The following INSM1 variants were observed in gnomAD, a reference collection of about 807,000 sequenced individuals.
INSM1 encodes INSM transcriptional repressor 1.
A neutral mutation model predicts 21.1 loss-of-function variants in INSM1; 11 were observed. That is an observed-to-expected ratio of 0.52 (90% CI 0.33 to 0.86). INSM1 has a LOEUF of 0.86. Among genes scored for constraint, INSM1 ranks in the 40% least tolerant of loss-of-function variants. INSM1 has a pLI of 0.03. For missense variants in INSM1, 843 were observed against 760.1 expected (o/e 1.11, Z -1.28); for synonymous variants, 473 against 386.1 (o/e 1.23, Z -2.64).
In INSM1 at chr20:20,369,872, T is replaced by G. The variant is rs6137007; in HGVS notation, c.*72T>G. The stretch of plus-strand genomic sequence containing the variant: ...CCCACAAAGAGAGTGCGCCCTGCAC[T>G]CCCCGAACCCGAGTCCGCGCTGGGG... On this transcript the variant is annotated 3_prime_UTR_variant, in exon 1 of 1. Coordinates refer to ENST00000310227, the MANE Select transcript of INSM1 (RefSeq NM_002196.3). This position sits in a 1 kb window ranked among gnomAD's most constrained non-coding sequence, Gnocchi z 5.6. The G allele has an allele frequency of 1, 1,355,432 of 1,359,850 alleles. 675,574 individuals carry two copies. Among genetic ancestry groups the G allele is most frequent in the East Asian group, 1 (39,055 of 39,056 alleles). 84.2% of individuals were successfully genotyped at this position (1,359,850 alleles called of 1,614,324 possible).
At position 20,369,889 on chromosome 20, in the gene INSM1, G is replaced by A; in HGVS notation, c.*89G>A. The stretch of plus-strand genomic sequence containing the variant: ...CCCTGCACTCCCCGAACCCGAGTCC[G>A]CGCTGGGGGAGCCTCGCCCCCGCCC... On this transcript the variant is annotated 3_prime_UTR_variant, in exon 1 of 1. Coordinates refer to ENST00000310227, the MANE Select transcript of INSM1 (RefSeq NM_002196.3). The surrounding 1 kb of genome is among the most constrained non-coding windows in gnomAD (Gnocchi z 5.6). 1.7e-6 allele frequency: 2 copies of A among 1,176,816 alleles called. No homozygotes were observed. The highest frequency in any genetic ancestry group is 2.3e-6 in the Non-Finnish European group (2 of 855,014). 72.9% of individuals were successfully genotyped at this position (1,176,816 alleles called of 1,614,324 possible).
chr20:20,368,242 G>C lies in INSM1; in HGVS notation c.-26G>C. ...CGAGCGCGGAGGGGGGACCGAGCCA[G>C]TGCCGTGCCCTCGGGCCGCGCCAAC... On this transcript the variant is annotated 5_prime_UTR_variant, in exon 1 of 1. Transcript: ENST00000310227. The surrounding 1 kb of genome is among the most constrained non-coding windows in gnomAD (Gnocchi z 4.3). The C allele has an allele frequency of 1.7e-6, 2 of 1,183,970 alleles. No individual in the cohort carries two copies. The highest frequency in any genetic ancestry group is 2.5e-4 in the Middle Eastern group (1 of 4,080). The allele number at this position is 1,183,970 out of a possible 1,614,324, so 73.3% of individuals were successfully genotyped here. A position where few individuals can be genotyped will look rare whatever the true frequency, so the allele number is the denominator to read the frequency against.
Position 20,368,126 on chromosome 20 carries a change from C to G in INSM1, c.-142C>G, listed in dbSNP as rs919420916. On this transcript the variant is annotated 5_prime_UTR_variant, in exon 1 of 1. Transcript: ENST00000310227. This position sits in a 1 kb window ranked among gnomAD's most constrained non-coding sequence, Gnocchi z 4.3. The stretch of plus-strand genomic sequence containing the variant: ...GGGACAGGGACGCGCGTGCAGGGCG[C>G]AGAGCTGGGCCGAGCCGTCGCCGGC... The G allele has an allele frequency of 2.3e-4, 118 of 512,528 alleles. No individual in the cohort carries two copies. The highest frequency in any genetic ancestry group is 2.8e-4 in the Non-Finnish European group (107 of 388,596). The allele number at this position is 512,528 out of a possible 1,614,324, so 31.7% of individuals were successfully genotyped here.
At position 20,368,780 on chromosome 20, in the gene INSM1, G is replaced by A. The variant is rs2087679347; in HGVS notation, c.513G>A (p.Thr171=). ...CGCCCGCCGAGCTCAAGATGGGCAC[G>A]GCGTTCTCGGCTGGCGCCGAGGCGG... is the stretch of plus-strand genomic sequence containing the variant. The part of the protein sequence containing the change: ...LFAPAELKMG[T]AFSAGAEAAR... Residue 171 remains threonine, a synonymous_variant, in exon 1 of 1, where the codon ACG becomes ACA. Coordinates refer to ENST00000310227, the MANE Select transcript of INSM1 (RefSeq NM_002196.3). The surrounding 1 kb of genome is among the most constrained non-coding windows in gnomAD (Gnocchi z 4.3). 8.9e-7 allele frequency: 1 copy of A among 1,117,450 alleles called. No individual in the cohort carries two copies. The allele number at this position is 1,117,450 out of a possible 1,614,324, so 69.2% of individuals were successfully genotyped here.
At position 20,368,169 on chromosome 20, in the gene INSM1, G is replaced by C. The variant is rs2122524847; in HGVS notation, c.-99G>C. Reference sequence around the variant, plus strand: ...TCGCCGGCGCCACGCGAGTCCCGCAGCCGCCGCGCCCGGGCAATGGGCCGG... The same window carrying C: ...TCGCCGGCGCCACGCGAGTCCCGCACCCGCCGCGCCCGGGCAATGGGCCGG... On this transcript the variant is annotated 5_prime_UTR_variant, in exon 1 of 1. Transcript: ENST00000310227. The surrounding 1 kb of genome is among the most constrained non-coding windows in gnomAD (Gnocchi z 4.3). 1.1e-6 allele frequency: 1 copy of C among 921,940 alleles called. No homozygotes were observed. Among genetic ancestry groups the C allele is most frequent in the Non-Finnish European group, 1.3e-6 (1 of 761,316 alleles). 57.1% of individuals were successfully genotyped at this position (921,940 alleles called of 1,614,324 possible).
At position 20,369,960 on chromosome 20, in the gene INSM1, C is replaced by A; in HGVS notation, c.*160C>A. 1.5e-6 allele frequency: 1 copy of A among 657,734 alleles called. No individual in the cohort carries two copies. The highest frequency in any genetic ancestry group is 2.6e-6 in the Non-Finnish European group (1 of 382,320). The allele number at this position is 657,734 out of a possible 1,614,324, so 40.7% of individuals were successfully genotyped here. A position where few individuals can be genotyped will look rare whatever the true frequency, so the allele number is the denominator to read the frequency against. On this transcript the variant is annotated 3_prime_UTR_variant, in exon 1 of 1. Transcript: ENST00000310227. The surrounding 1 kb of genome is among the most constrained non-coding windows in gnomAD (Gnocchi z 5.6). ...CTCCGCTTCTCTCGGTGTGGCGTGA[C>A]GGTAACCCCATACTCTCCTTTTGAC...
chr20:20,368,358 C>A lies in INSM1; in HGVS notation c.91C>A (p.Leu31Met). 2 of 1,185,422 alleles carry A rather than the reference C, an allele frequency of 1.7e-6. No homozygotes were observed. Among genetic ancestry groups the A allele is most frequent in the East Asian group, 6.0e-5 (1 of 16,778 alleles). 73.4% of individuals were successfully genotyped at this position (1,185,422 alleles called of 1,614,324 possible). A position where few individuals can be genotyped will look rare whatever the true frequency, so the allele number is the denominator to read the frequency against. The change falls in exon 1 of 1, where the codon CTG becomes ATG. Residue 31 changes from leucine to methionine, a missense_variant. Leu to Met is a conservative substitution (Grantham distance 15, BLOSUM62 2). Transcript: ENST00000310227. The surrounding 1 kb of genome is among the most constrained non-coding windows in gnomAD (Gnocchi z 4.3). ...RGGEDGDRAL[L>M]LSPSCGGARA... is the part of the protein sequence containing the mutation. ...CGGCGAGGACGGCGACCGCGCACTG[C>A]TGCTCTCGCCCAGCTGCGGGGGCGC...
In INSM1 at chr20:20,369,255, G is replaced by T. The variant is rs768474915; in HGVS notation, c.988G>T (p.Glu330Ter). Reference protein sequence around the residue: ...RPAPAAARAPEPEAAARAEAR... With the variant: ...RPAPAAARAP ...CGCGCCCGCCGCCGCCCGCGCGCCG[G>T]AGCCAGAAGCAGCAGCCAGGGCTGA... The change falls in exon 1 of 1, where the codon GAG becomes TAG. Residue 330 changes from glutamate to a stop codon, truncating the protein, a stop_gained. Coordinates refer to ENST00000310227, the MANE Select transcript of INSM1 (RefSeq NM_002196.3). LOFTEE classifies it high-confidence loss of function. The surrounding 1 kb of genome is among the most constrained non-coding windows in gnomAD (Gnocchi z 5.6). 6.9e-7 allele frequency: 1 copy of T among 1,440,290 alleles called. No homozygotes were observed. 89.2% of individuals were successfully genotyped at this position (1,440,290 alleles called of 1,614,324 possible).
Position 20,369,675 on chromosome 20 carries a change from C to T in INSM1, c.1408C>T (p.Pro470Ser), listed in dbSNP as rs762509361. The change falls in exon 1 of 1, where the codon CCC (proline) becomes TCC (serine). Residue 470 changes from proline to serine, a missense_variant. Physicochemically the swap from Pro to Ser is moderately conservative, Grantham distance 74. Transcript: ENST00000310227. The surrounding 1 kb of genome is among the most constrained non-coding windows in gnomAD (Gnocchi z 5.6). ...CCTGCTGCACGCCGCCCAGGTGTTC[C>T]CCTGCAAGTACTGCCCGGCCACCTT... ...LRLLHAAQVFPCKYCPATFYS... is the reference protein window; with the variant it reads ...LRLLHAAQVFSCKYCPATFYS... The T allele has an allele frequency of 2.5e-6, 4 of 1,600,668 alleles. No homozygotes were observed. The highest frequency in any genetic ancestry group is 4.5e-5 in the East Asian group (2 of 44,816).
rs775269904 is a variant in INSM1 at position 20,368,612 on chromosome 20, C to T, written c.345C>T (p.Tyr115=). The part of the protein sequence containing the change: ...PVSREHEKHK[Y]FERSFNLGSP... ...GCCGCGAGCACGAGAAGCACAAGTACTTCGAACGCAGCTTCAACCTGGGCT... is the reference window on the plus strand; with the variant it reads ...GCCGCGAGCACGAGAAGCACAAGTATTTCGAACGCAGCTTCAACCTGGGCT... The change falls in exon 1 of 1, where the codon TAC becomes TAT. Residue 115 remains tyrosine (Y), a synonymous_variant. Transcript: ENST00000310227. This position sits in a 1 kb window ranked among gnomAD's most constrained non-coding sequence, Gnocchi z 4.3. 7.5e-6 allele frequency: 11 copies of T among 1,468,048 alleles called. No homozygotes were observed. The highest frequency in any genetic ancestry group is 9.1e-6 in the Non-Finnish European group (10 of 1,097,428). 90.9% of individuals were successfully genotyped at this position (1,468,048 alleles called of 1,614,324 possible). A position where few individuals can be genotyped will look rare whatever the true frequency, so the allele number is the denominator to read the frequency against.
chr20:20,368,431 C>A lies in INSM1; in HGVS notation c.164C>A (p.Pro55Gln). 1 of 987,940 alleles carries A rather than the reference C, an allele frequency of 1.0e-6. No homozygotes were observed. Among genetic ancestry groups the A allele is most frequent in the Non-Finnish European group, 1.2e-6 (1 of 833,184 alleles). The allele number at this position is 987,940 out of a possible 1,614,324, so 61.2% of individuals were successfully genotyped here. A position where few individuals can be genotyped will look rare whatever the true frequency, so the allele number is the denominator to read the frequency against. The change falls in exon 1 of 1, where the codon CCG (proline) becomes CAG (glutamine). Residue 55 changes from proline (P) to glutamine (Q), a missense_variant. Physicochemically the swap from Pro to Gln is moderately conservative, Grantham distance 76. Coordinates refer to ENST00000310227, the MANE Select transcript of INSM1 (RefSeq NM_002196.3). This position sits in a 1 kb window ranked among gnomAD's most constrained non-coding sequence, Gnocchi z 4.3. ...AGCCCGGTCCCCGGGCCGCTGCCGC[C>A]GCCGCCGCCCGCGGAGCGCGCCCAT... is the stretch of plus-strand genomic sequence containing the variant. ...APSPVPGPLPPPPPAERAHAA... is the reference protein window; with the variant it reads ...APSPVPGPLPQPPPAERAHAA...
At position 20,369,768 on chromosome 20, in the gene INSM1, C is replaced by T; in HGVS notation, c.1501C>T (p.Leu501Phe). The T allele has an allele frequency of 6.2e-7, 1 of 1,601,446 alleles. No individual in the cohort carries two copies. Among genetic ancestry groups the T allele is most frequent in the Non-Finnish European group, 8.5e-7 (1 of 1,175,940 alleles). The change falls in exon 1 of 1, where the codon CTC becomes TTC. Residue 501 changes from leucine to phenylalanine, a missense_variant. Physicochemically the swap from Leu to Phe is conservative, Grantham distance 22 (BLOSUM62 0). Coordinates refer to ENST00000310227, the MANE Select transcript of INSM1 (RefSeq NM_002196.3). The surrounding 1 kb of genome is among the most constrained non-coding windows in gnomAD (Gnocchi z 5.6). ...CHPSENRQVI[L>F]LQVPVRPAC ...CCCATCCGAAAACAGACAGGTGATC[C>T]TCCTGCAGGTGCCCGTGCGCCCGGC...
chr20:20,368,867 G>T lies in INSM1; in HGVS notation c.600G>T (p.Lys200Asn). Residue 200 changes from lysine (K) to asparagine (N), a missense_variant, in exon 1 of 1, where the codon AAG becomes AAT. Lys to Asn is a moderately conservative substitution (Grantham distance 94, BLOSUM62 0). Transcript: ENST00000310227. This position sits in a 1 kb window ranked among gnomAD's most constrained non-coding sequence, Gnocchi z 4.3. ...PPAAALRPPG[K>N]RPPPPTAAEP... is the part of the protein sequence containing the mutation. ...CCGCCGCCCTGCGGCCCCCGGGAAA[G>T]CGGCCCCCGCCCCCTACCGCCGCGG... 5 of 1,377,404 alleles carry T rather than the reference G, an allele frequency of 3.6e-6. No individual in the cohort carries two copies. The highest frequency in any genetic ancestry group is 4.7e-6 in the Non-Finnish European group (5 of 1,065,850). 85.3% of individuals were successfully genotyped at this position (1,377,404 alleles called of 1,614,324 possible). A position where few individuals can be genotyped will look rare whatever the true frequency, so the allele number is the denominator to read the frequency against.
In INSM1 at chr20:20,368,844, G is replaced by C; in HGVS notation, c.577G>C (p.Ala193Pro). 7.8e-7 allele frequency: 1 copy of C among 1,279,648 alleles called. No homozygotes were observed. Among genetic ancestry groups the C allele is most frequent in the Non-Finnish European group, 9.9e-7 (1 of 1,007,944 alleles). The allele number at this position is 1,279,648 out of a possible 1,614,324, so 79.3% of individuals were successfully genotyped here. A position where few individuals can be genotyped will look rare whatever the true frequency, so the allele number is the denominator to read the frequency against. ...PGPGPPLPPAAALRPPGKRPP... is the reference protein window; with the variant it reads ...PGPGPPLPPAPALRPPGKRPP... ...CCCCGGCCCCCCACTGCCCCCTGCC[G>C]CCGCCCTGCGGCCCCCGGGAAAGCG... The change falls in exon 1 of 1, where the codon GCC becomes CCC. Residue 193 changes from alanine to proline, a missense_variant. Transcript: ENST00000310227. The surrounding 1 kb of genome is among the most constrained non-coding windows in gnomAD (Gnocchi z 4.3).
In INSM1 at chr20:20,368,363, C is replaced by G. The variant is rs2059483786; in HGVS notation, c.96C>G (p.Leu32=). The change falls in exon 1 of 1, where the codon CTC becomes CTG. Residue 32 remains leucine, a synonymous_variant. Coordinates refer to ENST00000310227, the MANE Select transcript of INSM1 (RefSeq NM_002196.3). The surrounding 1 kb of genome is among the most constrained non-coding windows in gnomAD (Gnocchi z 4.3). ...AGGACGGCGACCGCGCACTGCTGCT[C>G]TCGCCCAGCTGCGGGGGCGCCCGCG... is the stretch of plus-strand genomic sequence containing the variant. ...GGEDGDRALL[L]SPSCGGARAE... is the part of the protein sequence containing the mutation. The G allele has an allele frequency of 3.5e-6, 4 of 1,155,332 alleles. No homozygotes were observed. Among genetic ancestry groups the G allele is most frequent in the Non-Finnish European group, 4.3e-6 (4 of 928,502 alleles). 71.6% of individuals were successfully genotyped at this position (1,155,332 alleles called of 1,614,324 possible). A position where few individuals can be genotyped will look rare whatever the true frequency, so the allele number is the denominator to read the frequency against.
rs746414893 is a variant in INSM1, at chr20:20,368,687, G to GGGC, written c.434_436dup (p.Gly145dup). The GGGC allele has an allele frequency of 5.9e-5, 77 of 1,310,660 alleles. 1 individual carries two copies. Among genetic ancestry groups the GGGC allele is most frequent in the African/African-American group, 3.8e-4 (24 of 63,602 alleles). The allele number at this position is 1,310,660 out of a possible 1,614,324, so 81.2% of individuals were successfully genotyped here. A position where few individuals can be genotyped will look rare whatever the true frequency, so the allele number is the denominator to read the frequency against. ...CCACGCCCGCCGCGCTGCTCGGAGG[G>GGGC]GGCGGCGGCGGCGGCGCGAGCGGAG... On this transcript the variant is annotated inframe_insertion, in exon 1 of 1. Coordinates refer to ENST00000310227, the MANE Select transcript of INSM1 (RefSeq NM_002196.3). The surrounding 1 kb of genome is among the most constrained non-coding windows in gnomAD (Gnocchi z 4.3).
rs1354962305 is a variant in INSM1, at chr20:20,368,717, C to A, written c.450C>A (p.Gly150=). The A allele has an allele frequency of 8.3e-6, 10 of 1,211,258 alleles. No individual in the cohort carries two copies. Among genetic ancestry groups the A allele is most frequent in the Admixed American group, 9.2e-5 (2 of 21,754 alleles). The allele number at this position is 1,211,258 out of a possible 1,614,324, so 75.0% of individuals were successfully genotyped here. ...GCGGCGGCGGCGCGAGCGGAGCTGG[C>A]GGAGGCGGCACCTGCGGCGGCGACC... ...GGGGGGASGA[G]GGGTCGGDPL... is the part of the protein sequence containing the mutation. The change falls in exon 1 of 1, where the codon GGC becomes GGA. Residue 150 remains glycine (G), a synonymous_variant. Coordinates refer to ENST00000310227, the MANE Select transcript of INSM1 (RefSeq NM_002196.3). This position sits in a 1 kb window ranked among gnomAD's most constrained non-coding sequence, Gnocchi z 4.3.
In INSM1 at chr20:20,368,215, G is replaced by A. The variant is rs559098368; in HGVS notation, c.-53G>A. 5.4e-4 allele frequency: 579 copies of A among 1,069,008 alleles called. 1 individual carries two copies. In the African/African-American group the frequency reaches 5.7e-3, roughly 10 times the overall value. The allele number at this position is 1,069,008 out of a possible 1,614,324, so 66.2% of individuals were successfully genotyped here. On this transcript the variant is annotated 5_prime_UTR_variant, in exon 1 of 1. Transcript: ENST00000310227. The surrounding 1 kb of genome is among the most constrained non-coding windows in gnomAD (Gnocchi z 4.3). ...GCCGGGGGCACTGAGGGCCGCCGGG[G>A]CCGAGCGCGGAGGGGGGACCGAGCC...
In INSM1 at chr20:20,368,460, G is replaced by C. The variant is rs1167036095; in HGVS notation, c.193G>C (p.Ala65Pro). The change falls in exon 1 of 1, where the codon GCG (alanine) becomes CCG (proline). Residue 65 changes from alanine to proline, a missense_variant. Transcript: ENST00000310227. The surrounding 1 kb of genome is among the most constrained non-coding windows in gnomAD (Gnocchi z 4.3). ...GCCGCCCGCGGAGCGCGCCCATGCA[G>C]CGCTCGCCGCCGCGCTTGCCTGCGC... ...PPPPAERAHA[A>P]LAAALACAPG... 66 of 1,032,888 alleles carry C rather than the reference G, an allele frequency of 6.4e-5. No homozygotes were observed. Among genetic ancestry groups the C allele is most frequent in the Non-Finnish European group, 7.4e-5 (64 of 859,670 alleles). 64.0% of individuals were successfully genotyped at this position (1,032,888 alleles called of 1,614,324 possible). A position where few individuals can be genotyped will look rare whatever the true frequency, so the allele number is the denominator to read the frequency against.
Sources: allele counts gnomAD v4.1 joint callset, GRCh38; gene constraint gnomAD v4.1.1; non-coding constraint Gnocchi (gnomAD v3.1); transcripts MANE v1.5; gene names NCBI Gene and HGNC (gene_info 2026-07-23, HGNC 2026-07-21).